CCDC88C: variants seen among roughly 807,000 people sequenced by gnomAD.
CCDC88C encodes protein Daple.
A neutral mutation model predicts 198.8 loss-of-function variants in CCDC88C; 131 were observed. The observed-to-expected ratio is 0.66, with a 90% CI of 0.57 to 0.76. CCDC88C has a LOEUF of 0.76. Among genes scored for constraint, CCDC88C ranks in the 30% least tolerant of loss-of-function variants. CCDC88C has a pLI of 0.00. For missense variants in CCDC88C, 2,553 were observed against 2,631.6 expected (o/e 0.97, Z 0.65); for synonymous variants, 1,166 against 1,114.7 (o/e 1.05, Z -0.92).
chr14:91,287,636 CTTTTTTT>C (rs71120129), intron 25 of CCDC88C, among the ~76,000 whole-genome samples: 13 of 75,660 alleles, frequency 1.7e-4, no homozygotes, highest in East Asian at 4.0e-4. Flanking sequence ...TGCACCAGGT[CTTTTTTT>C]TTTTTTTTTT....
chr14:91,353,689 C>T (rs146318271), intron 4 of CCDC88C, among the ~76,000 whole-genome samples: 126 of 152,310 alleles, frequency 8.3e-4, no homozygotes, highest in African/African-American at 2.8e-3. Flanking sequence ...GCATTTTGTG[C>T]GCACAGAACC....
chr14:91,382,766 G>C (rs1192548157), intron 3 of CCDC88C, among the ~76,000 whole-genome samples: 1 of 152,124 alleles, frequency 6.6e-6, no homozygotes, highest in Non-Finnish European at 1.5e-5. Flanking sequence ...AGACTCAAGC[G>C]AACACTCCAA....
chr14:91,348,448 A>G (rs994329506), intron 4 of CCDC88C, among the ~76,000 whole-genome samples: 8 of 151,982 alleles, frequency 5.3e-5, no homozygotes, highest in East Asian at 1.9e-4. Flanking sequence ...ACTGCACTGT[A>G]GCCTGGGCGA....
At chr14:91,277,219 T>C (rs1384698687) in intron 29 of CCDC88C, among the ~76,000 whole-genome samples, 1 of 152,174 alleles carries the variant, frequency 6.6e-6, no homozygotes, top group Non-Finnish European at 1.5e-5. Flanking sequence ...GTAGAGATGG[T>C]GGCCAGGCTG....
At chr14:91,367,885 C>A (rs1027258513) in intron 3 of CCDC88C, among the ~76,000 whole-genome samples, 2 of 152,162 alleles carry the variant, frequency 1.3e-5, no homozygotes, top group Admixed American at 6.5e-5. Context: ...ACCTGCCAGA[C>A]CCTACTCGCC....
chr14:91,317,930 G>A (rs1215630324), intron 13 of CCDC88C, among the ~76,000 whole-genome samples: 3 of 152,264 alleles, frequency 2.0e-5, no homozygotes, highest in Non-Finnish European at 2.9e-5. Context: ...GCACCACCCT[G>A]GTGACCTGCC....
chr14:91,275,357 C>A (rs1889909352), intron 29 of CCDC88C, among the ~76,000 whole-genome samples: 1 of 152,028 alleles, frequency 6.6e-6, no homozygotes, highest in African/African-American at 2.4e-5. Context: ...TGCCAGATCT[C>A]CAAAGGGAAA....
At chr14:91,274,263 G>C (rs920305842) in intron 29 of CCDC88C, among the ~76,000 whole-genome samples, 29 of 152,302 alleles carry the variant, frequency 1.9e-4, no homozygotes, top group African/African-American at 7.0e-4. Context: ...CCAGAAGGGG[G>C]AATGGTGGGG....
At chr14:91,412,351 C>T (rs1363998771) in intron 2 of CCDC88C, among the ~76,000 whole-genome samples, 1 of 152,140 alleles carries the variant, frequency 6.6e-6, no homozygotes, top group African/African-American at 2.4e-5. Flanking sequence ...ATTGCTACCT[C>T]CACATGGTAA....
Position 91,272,483 on chromosome 14 carries a change from A to T in CCDC88C, c.*142T>A. ...GGCTTGGCACAGTGTTTCCATTCACAGAACAAACAGCAGAAATGCGTGGGA... is the reference window on the plus strand; with the variant it reads ...GGCTTGGCACAGTGTTTCCATTCACTGAACAAACAGCAGAAATGCGTGGGA... On this transcript the variant is annotated 3_prime_UTR_variant, in exon 30 of 30. Transcript: ENST00000389857. 1 of 843,568 alleles carries T rather than the reference A, an allele frequency of 1.2e-6. No individual in the cohort carries two copies. The highest frequency in any genetic ancestry group is 1.7e-5 in the South Asian group (1 of 59,224). The allele number at this position is 843,568 out of a possible 1,614,324, so 52.3% of individuals were successfully genotyped here.
At chr14:91,359,564 A>G in intron 4 of CCDC88C, 78 bp downstream of exon 4, 1 of 1,152,974 alleles carries the variant, frequency 8.7e-7, no homozygotes, top group South Asian at 1.3e-5. Context: ...TGGCAGCCGG[A>G]GCTCGATGGC....
At chr14:91,359,426 C>T (rs1005911923) in intron 4 of CCDC88C, among the ~76,000 whole-genome samples, 5 of 152,184 alleles carry the variant, frequency 3.3e-5, no homozygotes, top group African/African-American at 9.6e-5. Flanking sequence ...CGTGAGCCAC[C>T]GCGCCCGGCC....
At chr14:91,411,543 T>C (rs893829517) in intron 2 of CCDC88C, among the ~76,000 whole-genome samples, 5 of 152,164 alleles carry the variant, frequency 3.3e-5, no homozygotes, top group South Asian at 2.1e-4. Context: ...GCCAACACTC[T>C]AGTATCAGGA....
chr14:91,384,263 C>T, intron 3 of CCDC88C: 1 of 345,794 alleles, frequency 2.9e-6, no homozygotes, highest in Non-Finnish European at 5.5e-6. Context: ...ATAGCGAGAC[C>T]CCCATCTCTC....
intron 24 of CCDC88C, among the ~76,000 whole-genome samples, chr14:91,289,955 C>T (rs1890588229): frequency 6.6e-6 from 1 of 152,144 alleles, no homozygotes; most frequent in Non-Finnish European, 1.5e-5. Flanking sequence ...GCTTCAATTT[C>T]TGTGTCAAAC....
intron 2 of CCDC88C, among the ~76,000 whole-genome samples, chr14:91,412,487 T>G (rs1596176484): frequency 6.6e-6 from 1 of 151,792 alleles, no homozygotes; most frequent in Non-Finnish European, 1.5e-5. Context: ...CCAGGCTGGG[T>G]GCAGTGGCAC....
Position 91,272,851 on chromosome 14 carries a change from G to T in CCDC88C, c.5861C>A (p.Thr1954Asn), listed in dbSNP as rs750921061. 1.1e-5 allele frequency: 17 copies of T among 1,594,034 alleles called. No individual in the cohort carries two copies. In the Admixed American group the frequency reaches 2.9e-4, roughly 27 times the overall value. The change falls in exon 30 of 30, where the codon ACC (threonine) becomes AAC (asparagine). Residue 1954 changes from threonine to asparagine, a missense_variant. Around this residue, in one of 2 missense-constraint regions of CCDC88C, gnomAD observed 1,293 missense variants for 1,219.6 expected, o/e 1.06. Transcript: ENST00000389857. ...GAGGCTGAGCCCTGCCCGGACAGGG[G>T]TGATGGTGGCCACCTCCCCTGAGCG... ...PPRSGEVATITPVRAGLSLSE... is the reference protein window; with the variant it reads ...PPRSGEVATINPVRAGLSLSE...
At chr14:91,403,278 G>A (rs1886315128) in intron 3 of CCDC88C, among the ~76,000 whole-genome samples, 1 of 152,210 alleles carries the variant, frequency 6.6e-6, no homozygotes, top group Admixed American at 6.5e-5. Context: ...ATATCCACGT[G>A]TGGACTCGAT....
At chr14:91,323,549 T>C (rs1245024481) in intron 12 of CCDC88C, among the ~76,000 whole-genome samples, 1 of 152,218 alleles carries the variant, frequency 6.6e-6, no homozygotes, top group Non-Finnish European at 1.5e-5. Flanking sequence ...CACGATGCCA[T>C]CATTCTAGCA....
Sources: allele counts gnomAD v4.1 joint callset (sites outside exome capture counted in the v4.1 genomes callset), GRCh38; gene constraint gnomAD v4.1.1; regional missense constraint gnomAD v4.1.1; transcripts MANE v1.5; gene names NCBI Gene and HGNC (gene_info 2026-07-23, HGNC 2026-07-21).